Variants in LRCH3 observed in about 807,000 individuals in gnomAD.
LRCH3 encodes leucine rich repeats and calponin homology domain containing 3.
In LRCH3, 68 loss-of-function variants were observed where a neutral mutation model predicts 104.5. That is an observed-to-expected ratio of 0.65 (90% CI 0.54 to 0.80). LRCH3 has a LOEUF of 0.80. LRCH3 is among the 30% of genes least tolerant of loss of function. The probability of loss-of-function intolerance (pLI) is 0.00; values close to 1 mark genes in which losing one functional copy is unlikely to be tolerated. For missense variants in LRCH3, 951 were observed against 953.9 expected (o/e 1.00, Z 0.04); for synonymous variants, 344 against 361.3 (o/e 0.95, Z 0.54).
rs1446745342 is a variant in LRCH3 at position 197,875,720 on chromosome 3, G to A, written c.2153G>A (p.Cys718Tyr). 1 of 1,534,740 alleles carries A rather than the reference G, an allele frequency of 6.5e-7. No homozygotes were observed. Among genetic ancestry groups the A allele is most frequent in the South Asian group, 1.2e-5 (1 of 83,910 alleles). ...PAVPKLTMAK[C>Y]RRNVENFLEA... ...CAGCCTAAATTAACAATGGCGAAATGCAGGCGAAATGTGGAAAATTTCCTA... is the reference window on the plus strand; with the variant it reads ...CAGCCTAAATTAACAATGGCGAAATACAGGCGAAATGTGGAAAATTTCCTA... The change falls in exon 20 of 21, where the codon TGC becomes TAC. Residue 718 changes from cysteine to tyrosine, a missense_variant. Cys to Tyr is a radical substitution (Grantham distance 194). Transcript: ENST00000425562.
intron 20 of LRCH3, among the ~76,000 whole-genome samples, chr3:197,879,447 C>T (rs1167578556): frequency 3.3e-5 from 5 of 151,210 alleles, no homozygotes; most frequent in Admixed American, 3.3e-4. Flanking sequence ...GAGATCGAGA[C>T]CATCCTGGCT....
At chr3:197,847,002 C>T (rs1738833748) in intron 10 of LRCH3, among the ~76,000 whole-genome samples, 1 of 152,014 alleles carries the variant, frequency 6.6e-6, no homozygotes, top group African/African-American at 2.4e-5. Context: ...TTTATAAGTA[C>T]AGTTACGAGG....
At chr3:197,792,650 A>AAT (rs1280022548) in intron 1 of LRCH3, among the ~76,000 whole-genome samples, 1 of 118,882 alleles carries the variant, frequency 8.4e-6, no homozygotes, top group East Asian at 2.5e-4. Context: ...TTATATATAA[A>AAT]ATATATATAT....
At position 197,817,328 on chromosome 3, in the gene LRCH3, A is replaced by ACGTGTGTGTGTGTGTTTTGTGTGTGTGTG. The variant is rs756463093; in HGVS notation, c.534+27_534+28insGTGTGTGTGTGTGTTTTGTGTGTGTGTGC. Reference sequence around the variant, plus strand: ...GTAAGTTAATATTTTTGATTGTCCAACATGTGTGTGTGTGTGTCTGTGTGT... The same window carrying ACGTGTGTGTGTGTGTTTTGTGTGTGTGTG: ...GTAAGTTAATATTTTTGATTGTCCAACGTGTGTGTGTGTGTTTTGTGTGTGTGTGCATGTGTGTGTGTGTGTCTGTGTGT... On this transcript the variant is annotated intron_variant, in intron 3 of 20. Transcript: ENST00000425562. The ACGTGTGTGTGTGTGTTTTGTGTGTGTGTG allele has an allele frequency of 2.3e-5, 8 of 348,414 alleles. No individual in the cohort carries two copies. The East Asian group carries it at 7.2e-3, about 316-fold the overall frequency. 21.6% of individuals were successfully genotyped at this position (348,414 alleles called of 1,614,324 possible).
intron 10 of LRCH3, among the ~76,000 whole-genome samples, chr3:197,845,089 A>G (rs1317252676): frequency 6.6e-6 from 1 of 152,182 alleles, no homozygotes; most frequent in East Asian, 1.9e-4. Context: ...AGTGGAAACA[A>G]TGGGTTTGAC....
rs1733011349 is a variant in LRCH3 at position 197,810,582 on chromosome 3, T to C, written c.263-4326T>C. 6.6e-6 allele frequency among the ~76,000 whole-genome samples: 1 copy of C among 152,200 alleles called. No homozygotes were observed. The stretch of plus-strand genomic sequence containing the variant: ...CTAGCCATCTTCTCTCAACCTTTTA[T>C]CTGTTTTATGTATATTATCTCGGGT... On this transcript the variant is annotated intron_variant, in intron 1 of 20. Coordinates refer to ENST00000425562, the MANE Select transcript of LRCH3 (RefSeq NM_001365715.1). The surrounding 1 kb of genome is among the most constrained non-coding windows in gnomAD (Gnocchi z 4.0).
intron 1 of LRCH3, among the ~76,000 whole-genome samples, chr3:197,802,069 G>C (rs1012724503): frequency 4.6e-5 from 7 of 152,098 alleles, no homozygotes; most frequent in African/African-American, 1.7e-4. Context: ...AACACTTCTC[G>C]TGCTTCCAGT....
chr3:197,821,077 T>C (rs1297624767), intron 4 of LRCH3, among the ~76,000 whole-genome samples: 2 of 152,162 alleles, frequency 1.3e-5, no homozygotes, highest in Admixed American at 1.3e-4. Context: ...CATGACTGTT[T>C]GGGGGAAATG....
At position 197,829,556 on chromosome 3, in the gene LRCH3, T is replaced by C; in HGVS notation, c.778-8T>C. Reference sequence around the variant, plus strand: ...ATAATTTGGCTACATCTGTGTGACTTTATTTAGATATGTATAAAAGGCAAA... The same window carrying C: ...ATAATTTGGCTACATCTGTGTGACTCTATTTAGATATGTATAAAAGGCAAA... On this transcript the variant is annotated splice_region_variant and splice_polypyrimidine_tract_variant and intron_variant, in intron 5 of 20. Coordinates refer to ENST00000425562, the MANE Select transcript of LRCH3 (RefSeq NM_001365715.1). The C allele has an allele frequency of 6.3e-7, 1 of 1,584,264 alleles. No individual in the cohort carries two copies.
chr3:197,865,875 A>G (rs1471102810), intron 16 of LRCH3, among the ~76,000 whole-genome samples: 1 of 152,084 alleles, frequency 6.6e-6, no homozygotes, highest in Non-Finnish European at 1.5e-5. Flanking sequence ...ACTGTTCAAT[A>G]TGATAACATT....
intron 2 of LRCH3, 68 bp downstream of exon 2, chr3:197,815,120 T>A: frequency 2.1e-6 from 2 of 957,228 alleles, no homozygotes; most frequent in African/African-American, 1.7e-5. Flanking sequence ...CCCCTTTCCC[T>A]AAAATATTTA....
intron 12 of LRCH3, among the ~76,000 whole-genome samples, chr3:197,848,736 A>G (rs1739133637): frequency 6.6e-6 from 1 of 152,330 alleles, no homozygotes; most frequent in African/African-American, 2.4e-5. Context: ...GTCAATAAGT[A>G]TTTGTTGAAT....
Position 197,840,463 on chromosome 3 carries a change from A to G in LRCH3, c.1328+1066A>G, listed in dbSNP as rs1737639269. 6.9e-5 allele frequency among the ~76,000 whole-genome samples: 7 copies of G among 100,760 alleles called. 1 individual carries two copies. In the South Asian group the frequency reaches 2.1e-3, roughly 30 times the overall value. The allele number at this position is 100,760 out of a possible 152,430, so 66.1% of individuals were successfully genotyped here. ...CAGACTGAGACTCCATCTCAAAAAA[A>G]CCAAAAAAAGAATATTTTGAAAATT... On this transcript the variant is annotated intron_variant, in intron 10 of 20. Transcript: ENST00000425562.
chr3:197,844,339 G>C (rs569873868), intron 10 of LRCH3, among the ~76,000 whole-genome samples: 1 of 152,270 alleles, frequency 6.6e-6, no homozygotes, highest in Non-Finnish European at 1.5e-5. Context: ...AAACTGAGTG[G>C]GGTGGTCATG....
Position 197,829,590 on chromosome 3 carries a change from A to G in LRCH3, c.804A>G (p.Ile268Met). 6.2e-7 allele frequency: 1 copy of G among 1,611,678 alleles called. No individual in the cohort carries two copies. Among genetic ancestry groups the G allele is most frequent in the Non-Finnish European group, 8.5e-7 (1 of 1,179,426 alleles). Reference sequence around the variant, plus strand: ...TATGTATAAAAGGCAAAGTCCACATATTTAAATACCTGAACATACAAGCTT... The same window carrying G: ...TATGTATAAAAGGCAAAGTCCACATGTTTAAATACCTGAACATACAAGCTT... ...AQICIKGKVH[I>M]FKYLNIQACK... Residue 268 changes from isoleucine to methionine, a missense_variant, in exon 6 of 21, where the codon ATA becomes ATG. Ile to Met is a conservative substitution (Grantham distance 10). Transcript: ENST00000425562.
At chr3:197,838,439 AGGTAGATGCTATTTCTT>A (rs372811055) in intron 9 of LRCH3, among the ~76,000 whole-genome samples, 1,472 of 144,130 alleles carry the variant, frequency 0.01, 18 homozygotes, top group African/African-American at 0.039. Context: ...TGTTTCTTGG[AGGTAGATGCTATTTCTT>A]GGAAGTAGAT....
At chr3:197,798,353 C>A (rs528520134) in intron 1 of LRCH3, among the ~76,000 whole-genome samples, 1 of 152,244 alleles carries the variant, frequency 6.6e-6, no homozygotes, top group East Asian at 1.9e-4. Context: ...CTGTTTTACA[C>A]AAGGCAAATA....
chr3:197,875,631 G>GT, intron 19 of LRCH3, 67 bp from the exon 20 acceptor site: 1 of 1,214,104 alleles, frequency 8.2e-7, no homozygotes, highest in African/African-American at 1.5e-5. Context: ...TCCAGCCTGG[G>GT]TGGCAGTGAG....
At chr3:197,867,530 C>T (rs1490020466) in intron 17 of LRCH3, among the ~76,000 whole-genome samples, 1 of 151,750 alleles carries the variant, frequency 6.6e-6, no homozygotes, top group Admixed American at 6.6e-5. Flanking sequence ...CCATCCTGTG[C>T]AACATGGCAA....
Sources: gnomAD v4.1 joint callset for allele counts (sites outside exome capture counted in the v4.1 genomes callset) on GRCh38, gnomAD v4.1.1 for gene constraint, Gnocchi (gnomAD v3.1) non-coding constraint, MANE v1.5 for transcripts, NCBI Gene and HGNC (gene_info 2026-07-23, HGNC 2026-07-21) for gene names.